Variants in FNDC1 observed in about 807,000 individuals in gnomAD.
FNDC1 encodes fibronectin type III domain containing 1.
Under a neutral mutation model 168.0 loss-of-function variants are expected in FNDC1, and 96 were observed. That is an observed-to-expected ratio of 0.57 (90% CI 0.48 to 0.68). The LOEUF (loss-of-function observed/expected upper bound fraction) is 0.68. Among genes scored for constraint, FNDC1 ranks in the 30% least tolerant of loss-of-function variants. The pLI, the probability that FNDC1 is intolerant of heterozygous loss-of-function variation, is 0.00. For synonymous variants in FNDC1, 1,099 were observed against 1,025.9 expected (o/e 1.07, Z -1.36); for missense variants, 2,587 against 2,482.1 (o/e 1.04, Z -0.90).
chr6:159,257,038 G>A (rs1463880192), intron 18 of FNDC1, among the ~76,000 whole-genome samples: 2 of 152,234 alleles, frequency 1.3e-5, no homozygotes, highest in African/African-American at 2.4e-5. Flanking sequence ...TGACATAGAA[G>A]TTCACATCAT....
At chr6:159,203,821 A>G (rs1451528788) in intron 4 of FNDC1, among the ~76,000 whole-genome samples, 3 of 152,158 alleles carry the variant, frequency 2.0e-5, no homozygotes, top group Admixed American at 6.5e-5. Context: ...GGACACAGAC[A>G]CATCCCCACT....
At chr6:159,219,927 T>C (rs561147077) in intron 5 of FNDC1, among the ~76,000 whole-genome samples, 21 of 152,310 alleles carry the variant, frequency 1.4e-4, no homozygotes, top group African/African-American at 5.1e-4. Flanking sequence ...CCATTGTCAA[T>C]AGCACCGAGT....
chr6:159,223,475 G>A, intron 6 of FNDC1, 53 bp from the exon 7 acceptor site: 2 of 1,188,478 alleles, frequency 1.7e-6, no homozygotes. Flanking sequence ...AGGAGCTCAG[G>A]GCAGAACCTG....
At position 159,266,160 on chromosome 6, in the gene FNDC1, GA is replaced by G. The variant is rs1777589052; in HGVS notation, c.5363del (p.Lys1788SerfsTer17). ...CGGACTGCCATGGACGGCAATATGT[GA>G]AGCGCACGTGGTATCGAAAGTTCGT... ...YTDCHGRQYV[K>X]RTWYRKFVGV... On this transcript the variant is annotated frameshift_variant, in exon 21 of 23. Transcript: ENST00000297267. LOFTEE classifies it high-confidence loss of function. The G allele has an allele frequency of 6.2e-7, 1 of 1,613,898 alleles. No homozygotes were observed. The highest frequency in any genetic ancestry group is 8.5e-7 in the Non-Finnish European group (1 of 1,179,898).
intron 1 of FNDC1, among the ~76,000 whole-genome samples, chr6:159,192,315 G>T (rs1782158413): frequency 6.6e-6 from 1 of 152,114 alleles, no homozygotes; most frequent in African/African-American, 2.4e-5. Context: ...AAGACCAAAA[G>T]CAACACTTTT....
chr6:159,169,753 C>T lies in FNDC1; in HGVS notation c.109+48C>T, dbSNP rs545005095. ...CGGCGCTCCTCAGCTCCCCGCGCAC[C>T]CTCCTGCGCTCGGGCCCCGTCGTCC... is the stretch of plus-strand genomic sequence containing the variant. On this transcript the variant is annotated intron_variant, in intron 1 of 22. Coordinates refer to ENST00000297267, the MANE Select transcript of FNDC1 (RefSeq NM_032532.3). The surrounding 1 kb of genome is among the most constrained non-coding windows in gnomAD (Gnocchi z 6.8). 6.9e-5 allele frequency: 53 copies of T among 772,692 alleles called. No homozygotes were observed. The highest frequency in any genetic ancestry group is 9.6e-4 in the Middle Eastern group (2 of 2,080). The allele number at this position is 772,692 out of a possible 1,614,324, so 47.9% of individuals were successfully genotyped here.
intron 19 of FNDC1, 125 bp from the exon 20 acceptor site, chr6:159,264,850 T>C: frequency 1.4e-6 from 1 of 694,748 alleles, no homozygotes; most frequent in Non-Finnish European, 2.3e-6. Context: ...AACGTTGGCA[T>C]CTATCAAACC....
At chr6:159,253,909 TC>T (rs1777321540) in intron 17 of FNDC1, among the ~76,000 whole-genome samples, 3 of 152,176 alleles carry the variant, frequency 2.0e-5, no homozygotes, top group African/African-American at 7.2e-5. Context: ...GTGACCTCCG[TC>T]CCCTCTGGGG....
chr6:159,196,925 G>GTTTTCAACA (rs1441524093), intron 1 of FNDC1, among the ~76,000 whole-genome samples: 1 of 152,122 alleles, frequency 6.6e-6, no homozygotes, highest in Non-Finnish European at 1.5e-5. Context: ...AGCTGTTGAT[G>GTTTTCAACA]ATCTTGGTTT....
intron 1 of FNDC1, among the ~76,000 whole-genome samples, chr6:159,195,494 G>A (rs1484122549): frequency 6.6e-6 from 1 of 152,044 alleles, no homozygotes; most frequent in African/African-American, 2.4e-5. Context: ...TATGGTCATC[G>A]ATCATTGATA....
rs760868834 is a variant in FNDC1, at chr6:159,249,055, G to C, written c.4707G>C (p.Thr1569=). 5.0e-6 allele frequency: 8 copies of C among 1,599,928 alleles called. No individual in the cohort carries two copies. In the Admixed American group the frequency reaches 1.4e-4, roughly 28 times the overall value. Residue 1569 remains threonine, a synonymous_variant, in exon 16 of 23, where the codon ACG becomes ACC. Coordinates refer to ENST00000297267, the MANE Select transcript of FNDC1 (RefSeq NM_032532.3). ...TCATTTCAGATTATGAATTTGAGAC[G>C]TCAAGGCCACCAACCACCACTGAGC... ...VIYDEDYEFE[T]SRPPTTTEPS...
In FNDC1 at chr6:159,188,722, T is replaced by C. The variant is rs1295673598; in HGVS notation, c.110-8709T>C. ...CGTCCAAATACACTGGCTGTGGGGGTAGCTTCAAAAATGTTAATTTTTACT... is the reference window on the plus strand; with the variant it reads ...CGTCCAAATACACTGGCTGTGGGGGCAGCTTCAAAAATGTTAATTTTTACT... On this transcript the variant is annotated intron_variant, in intron 1 of 22. Transcript: ENST00000297267. Among the ~76,000 whole-genome samples the C allele has an allele frequency of 2.0e-5, 3 of 149,932 alleles. No individual in the cohort carries two copies. In the East Asian group the frequency reaches 5.9e-4, roughly 29 times the overall value.
At position 159,239,902 on chromosome 6, in the gene FNDC1, T is replaced by A. The variant is rs750455600; in HGVS notation, c.4566T>A (p.Asp1522Glu). ...CTGGGACCTTGGAACGGCACGACGA[T>A]GATGGCAACCTGATAATGAGCTCCA... ...CPPGTLERHD[D>E]DGNLIMSSNG... The change falls in exon 14 of 23, where the codon GAT becomes GAA. Residue 1522 changes from aspartate (D) to glutamate (E), a missense_variant. Coordinates refer to ENST00000297267, the MANE Select transcript of FNDC1 (RefSeq NM_032532.3). 1 of 1,527,616 alleles carries A rather than the reference T, an allele frequency of 6.5e-7. No homozygotes were observed. The highest frequency in any genetic ancestry group is 1.2e-5 in the South Asian group (1 of 80,528). The allele number at this position is 1,527,616 out of a possible 1,614,324, so 94.6% of individuals were successfully genotyped here. A position where few individuals can be genotyped will look rare whatever the true frequency, so the allele number is the denominator to read the frequency against.
chr6:159,239,248 A>G (rs1365865595), intron 13 of FNDC1, among the ~76,000 whole-genome samples: 1 of 152,070 alleles, frequency 6.6e-6, no homozygotes, highest in African/African-American at 2.4e-5. Flanking sequence ...CTGGCCCTTT[A>G]CAGAAGAAGT....
chr6:159,221,779 G>GA (rs756493924), intron 6 of FNDC1, 83 bp downstream of exon 6: 25 of 1,055,250 alleles, frequency 2.4e-5, no homozygotes, highest in Non-Finnish European at 3.3e-5. Flanking sequence ...GCTGAATGAT[G>GA]AATTACATGA....
At chr6:159,268,659 T>C (rs928343874) in intron 22 of FNDC1, among the ~76,000 whole-genome samples, 1 of 151,908 alleles carries the variant, frequency 6.6e-6, no homozygotes, top group Non-Finnish European at 1.5e-5. Context: ...TGTATGTATG[T>C]ATCCATCCAT....
chr6:159,228,968 G>A (rs1435131472), intron 9 of FNDC1, among the ~76,000 whole-genome samples: 1 of 152,174 alleles, frequency 6.6e-6, no homozygotes, highest in African/African-American at 2.4e-5. Flanking sequence ...GAGCAACCAT[G>A]CCCAGCCCCT....
chr6:159,195,703 T>A (rs1782229364), intron 1 of FNDC1, among the ~76,000 whole-genome samples: 1 of 152,214 alleles, frequency 6.6e-6, no homozygotes, highest in South Asian at 2.1e-4. Context: ...GCTCTTTTCA[T>A]GTGTCAGTAA....
At chr6:159,189,368 G>C (rs1782079916) in intron 1 of FNDC1, among the ~76,000 whole-genome samples, 1 of 152,222 alleles carries the variant, frequency 6.6e-6, no homozygotes, top group Non-Finnish European at 1.5e-5. Context: ...TCCAGCTCCA[G>C]TTAGAAAAAT....
Sources: allele counts gnomAD v4.1 joint callset (sites outside exome capture counted in the v4.1 genomes callset), GRCh38; gene constraint gnomAD v4.1.1; non-coding constraint Gnocchi (gnomAD v3.1); transcripts MANE v1.5; gene names NCBI Gene and HGNC (gene_info 2026-07-23, HGNC 2026-07-21).